The following OR51B5 variants were observed in gnomAD, a reference collection of about 807,000 sequenced individuals.
OR51B5 encodes the protein olfactory receptor family 51 subfamily B member 5.
For synonymous variants in OR51B5, 186 were observed against 144.8 expected, an observed-to-expected ratio of 1.28 and a Z score of -2.04; for missense variants, 456 against 374.6, an observed-to-expected ratio of 1.22 and a Z score of -1.79.
intron 1 of OR51B5, among the ~76,000 whole-genome samples, chr11:5,499,670 C>T (rs1851691812): frequency 6.6e-6 from 1 of 152,178 alleles, no homozygotes; most frequent in South Asian, 2.1e-4. Context: ...CCTTCTGTCC[C>T]ATGTTAATTC....
chr11:5,450,795 C>T (rs1850833820), intron 1 of OR51B5, among the ~76,000 whole-genome samples: 1 of 152,168 alleles, frequency 6.6e-6, no homozygotes, highest in South Asian at 2.1e-4. Flanking sequence ...GTTCAACTCC[C>T]GCTTATGAGT....
At chr11:5,424,866 C>T (rs1850421736) in intron 1 of OR51B5, among the ~76,000 whole-genome samples, 1 of 103,778 alleles carries the variant, frequency 9.6e-6, no homozygotes, top group Non-Finnish European at 2.2e-5. Context: ...CCTATAGTCC[C>T]AGCTACTCAG....
In OR51B5 at chr11:5,371,763, T is replaced by C. The variant is rs1017211273; in HGVS notation, n.85-24853A>G. Among the ~76,000 whole-genome samples, 5 of 152,304 alleles carry C rather than the reference T, an allele frequency of 3.3e-5. No homozygotes were observed. The South Asian group carries it at 1.0e-3, about 32-fold the overall frequency. Reference sequence around the variant, plus strand: ...ATAGATACCTTTTGCTTTTTCTTTGTGTAAGGGCATCTAACATCTACTGTC... The same window carrying C: ...ATAGATACCTTTTGCTTTTTCTTTGCGTAAGGGCATCTAACATCTACTGTC... On this transcript the variant is annotated intron_variant and non_coding_transcript_variant, in intron 1 of 4. Transcript: ENST00000415970.
At chr11:5,378,779 T>C (rs927283453) in intron 1 of OR51B5, among the ~76,000 whole-genome samples, 14 of 151,842 alleles carry the variant, frequency 9.2e-5, no homozygotes, top group Admixed American at 3.3e-4. Flanking sequence ...CTCATACCAG[T>C]TAGAATGGCA....
chr11:5,425,125 G>C (rs142936017), intron 1 of OR51B5, among the ~76,000 whole-genome samples: 319 of 151,842 alleles, frequency 2.1e-3, no homozygotes, highest in African/African-American at 7.5e-3. Context: ...GGGTCTGCTG[G>C]CGTAAATTGC....
chr11:5,466,012 T>G (rs546460498), intron 1 of OR51B5, among the ~76,000 whole-genome samples: 2 of 151,384 alleles, frequency 1.3e-5, no homozygotes, highest in Non-Finnish European at 2.9e-5. Context: ...ATCATCAGAG[T>G]GAACAGGCAA....
At chr11:5,417,069 C>T (rs954948566) in intron 1 of OR51B5, among the ~76,000 whole-genome samples, 1 of 150,980 alleles carries the variant, frequency 6.6e-6, no homozygotes, top group African/African-American at 2.4e-5. Context: ...GGTACTGGTA[C>T]CAAAACAGAG....
Position 5,432,997 on chromosome 11 carries a change from A to C in OR51B5, n.84+72572T>G, listed in dbSNP as rs1850552825. On this transcript the variant is annotated intron_variant and non_coding_transcript_variant, in intron 1 of 4. Coordinates refer to the OR51B5 transcript ENST00000415970. Reference sequence around the variant, plus strand: ...ACCTCAGAGAGGGAAAAATGTTTTGAATGAAAGTGAGACTATGGTTTTAAA... The same window carrying C: ...ACCTCAGAGAGGGAAAAATGTTTTGCATGAAAGTGAGACTATGGTTTTAAA... 2.0e-5 allele frequency among the ~76,000 whole-genome samples: 3 copies of C among 152,190 alleles called. No individual in the cohort carries two copies. In the South Asian group the frequency reaches 6.2e-4, roughly 32 times the overall value.
chr11:5,382,418 T>C (rs964731904), intron 1 of OR51B5, among the ~76,000 whole-genome samples: 9 of 152,346 alleles, frequency 5.9e-5, no homozygotes, highest in Admixed American at 4.6e-4. Context: ...ATAATTGCCA[T>C]GTCCATCTCT....
At chr11:5,457,102 A>G (rs1428735705) in intron 1 of OR51B5, among the ~76,000 whole-genome samples, 2 of 152,172 alleles carry the variant, frequency 1.3e-5, no homozygotes, top group Non-Finnish European at 2.9e-5. Flanking sequence ...ATAGTACCCC[A>G]AAGGTAGTTT....
chr11:5,419,131 AT>A (rs1487564900), intron 1 of OR51B5, among the ~76,000 whole-genome samples: 6 of 152,182 alleles, frequency 3.9e-5, no homozygotes, highest in Non-Finnish European at 8.8e-5. Flanking sequence ...ATGATGTAAG[AT>A]TTCTTATCTT....
chr11:5,389,685 T>A (rs755228584), intron 1 of OR51B5: 2 of 1,613,700 alleles, frequency 1.2e-6, no homozygotes, highest in Non-Finnish European at 1.7e-6. Context: ...ACTATGGGGA[T>A]CTTCTGGTTT....
intron 1 of OR51B5, among the ~76,000 whole-genome samples, chr11:5,435,798 TG>T (rs1390840590): frequency 1.3e-5 from 2 of 152,212 alleles, no homozygotes; most frequent in Non-Finnish European, 2.9e-5. Flanking sequence ...AAAACAAATC[TG>T]TAGTTTTTTC....
rs139942122 is a variant in OR51B5, at chr11:5,474,681, T to C, written n.84+30888A>G. Among the ~76,000 whole-genome samples the C allele has an allele frequency of 7.4e-4, 113 of 152,360 alleles. 1 individual carries two copies. Among genetic ancestry groups the C allele is most frequent in the African/African-American group, 2.6e-3 (109 of 41,590 alleles). ...ATAATTTGTGCCAATGCAATAATTC[T>C]ATTTCTCATTGGAAATTAATAACAT... On this transcript the variant is annotated intron_variant and non_coding_transcript_variant, in intron 1 of 4. Transcript: ENST00000415970.
intron 1 of OR51B5, among the ~76,000 whole-genome samples, chr11:5,367,890 T>C (rs11820654): frequency 0.032 from 4,810 of 152,308 alleles, 252 homozygotes; most frequent in African/African-American, 0.11. Flanking sequence ...TATCTATTTT[T>C]ATGTCCTCAT....
At chr11:5,418,498 G>T (rs35497472) in intron 1 of OR51B5, among the ~76,000 whole-genome samples, 1 of 151,868 alleles carries the variant, frequency 6.6e-6, no homozygotes, top group Non-Finnish European at 1.5e-5. Flanking sequence ...ATCAGTGATC[G>T]ACTGGATTAA....
chr11:5,413,168 G>C (rs988726781), intron 1 of OR51B5, among the ~76,000 whole-genome samples: 1 of 152,184 alleles, frequency 6.6e-6, no homozygotes, highest in African/African-American at 2.4e-5. Flanking sequence ...TGATACCCAG[G>C]CAAACAGGGC....
rs1448996904 is a variant in OR51B5 at position 5,396,660 on chromosome 11, A to G, written n.85-49750T>C. Among the ~76,000 whole-genome samples the G allele has an allele frequency of 2.6e-5, 4 of 151,964 alleles. No individual in the cohort carries two copies. The East Asian group carries it at 7.7e-4, about 29-fold the overall frequency. On this transcript the variant is annotated intron_variant and non_coding_transcript_variant, in intron 1 of 4. Coordinates refer to the OR51B5 transcript ENST00000415970. Reference sequence around the variant, plus strand: ...AATTTATAGATTCAATGCCATCCCCATCAAGCTACCAATGACTTTCTTCAC... The same window carrying G: ...AATTTATAGATTCAATGCCATCCCCGTCAAGCTACCAATGACTTTCTTCAC...
At chr11:5,382,922 T>G (rs1306021334) in intron 1 of OR51B5, among the ~76,000 whole-genome samples, 2 of 152,166 alleles carry the variant, frequency 1.3e-5, no homozygotes, top group Non-Finnish European at 2.9e-5. Context: ...TAATCAACCA[T>G]GCCCTATTTA....
Sources: gnomAD v4.1 joint callset for allele counts (sites outside exome capture counted in the v4.1 genomes callset) on GRCh38, gnomAD v4.1.1 for gene constraint, MANE v1.5 for transcripts, NCBI Gene and HGNC (gene_info 2026-07-23, HGNC 2026-07-21) for gene names.